Variants in KCNQ2 observed in about 807,000 individuals in gnomAD.
KCNQ2 encodes potassium voltage-gated channel subfamily KQT member 2.
Under a neutral mutation model 84.8 loss-of-function variants are expected in KCNQ2, and 14 were observed. That is an observed-to-expected ratio of 0.17 (90% CI 0.11 to 0.26). The LOEUF is 0.26. KCNQ2 is among the 10% of genes least tolerant of loss of function. The pLI is 1.00. For missense variants in KCNQ2, 788 were observed against 1,254.0 expected (o/e 0.63, Z 5.61); for synonymous variants, 599 against 554.1 (o/e 1.08, Z -1.14).
intron 1 of KCNQ2, among the ~76,000 whole-genome samples, chr20:63,457,183 G>C (rs758877633): frequency 6.6e-6 from 1 of 152,240 alleles, no homozygotes; most frequent in Non-Finnish European, 1.5e-5. Context: ...GGCTGGAGGG[G>C]ACAAGGGCCA....
chr20:63,450,030 C>T (rs2081560202), intron 1 of KCNQ2, among the ~76,000 whole-genome samples: 2 of 152,036 alleles, frequency 1.3e-5, no homozygotes, highest in South Asian at 4.2e-4. Flanking sequence ...GCCCCTGGAA[C>T]CCGCCCGCCA....
At chr20:63,410,664 G>A (rs550534022) in intron 15 of KCNQ2, among the ~76,000 whole-genome samples, 5 of 152,320 alleles carry the variant, frequency 3.3e-5, no homozygotes, top group African/African-American at 4.8e-5. Context: ...CAGAAACTCC[G>A]TTCTCACGGG....
At chr20:63,433,210 G>A (rs1195301441) in intron 8 of KCNQ2, among the ~76,000 whole-genome samples, 2 of 152,228 alleles carry the variant, frequency 1.3e-5, no homozygotes, top group Non-Finnish European at 2.9e-5. Flanking sequence ...GGACCTGCTA[G>A]CACTGCCTCG....
At chr20:63,451,439 G>A (rs567066125) in intron 1 of KCNQ2, among the ~76,000 whole-genome samples, 448 of 152,280 alleles carry the variant, frequency 2.9e-3, no homozygotes, top group Non-Finnish European at 4.5e-3. Flanking sequence ...GGCCGTGACC[G>A]CAGCATGACC....
intron 1 of KCNQ2, among the ~76,000 whole-genome samples, chr20:63,462,084 G>A (rs1235709683): frequency 2.5e-5 from 3 of 118,924 alleles, no homozygotes; most frequent in African/African-American, 1.0e-4. Context: ...CCACCCCAGG[G>A]AGCAGGGAAG....
Position 63,446,720 on chromosome 20 carries a change from CA to C in KCNQ2, c.387+26del, listed in dbSNP as rs1199045483. 4 of 1,595,408 alleles carry C rather than the reference CA, an allele frequency of 2.5e-6. No individual in the cohort carries two copies. Among genetic ancestry groups the C allele is most frequent in the Non-Finnish European group, 3.4e-6 (4 of 1,163,756 alleles). On this transcript the variant is annotated intron_variant, in intron 2 of 16. Transcript: ENST00000359125. This position sits in a 1 kb window ranked among gnomAD's most constrained non-coding sequence, Gnocchi z 5.5. ...GCTCCAGCTCCTTCCTGGGCACTTC[CA>C]GCCCCCGCCCTCCCTCGGGGCTCAC...
At chr20:63,410,216 C>CAGAT (rs907616355) in intron 15 of KCNQ2, among the ~76,000 whole-genome samples, 34 of 152,304 alleles carry the variant, frequency 2.2e-4, no homozygotes, top group African/African-American at 8.2e-4. Context: ...ACAGTCCAGG[C>CAGAT]AGATGCTCAG....
chr20:63,461,355 A>G (rs1600849542), intron 1 of KCNQ2, among the ~76,000 whole-genome samples: 1 of 152,254 alleles, frequency 6.6e-6, no homozygotes, highest in African/African-American at 2.4e-5. Flanking sequence ...TGTAAAGGAG[A>G]GAAGCCGGTC....
chr20:63,411,736 C>T, intron 15 of KCNQ2: 1 of 583,198 alleles, frequency 1.7e-6, no homozygotes, highest in Non-Finnish European at 3.1e-6. Context: ...AGGGGCCGGC[C>T]ATTCCACAGA....
At chr20:63,428,477 C>T in intron 9 of KCNQ2, 42 bp from the exon 10 acceptor site, 4 of 1,517,168 alleles carry the variant, frequency 2.6e-6, no homozygotes, top group Non-Finnish European at 3.6e-6. Flanking sequence ...TCTCACCCTC[C>T]CGAGTCCTGG....
At chr20:63,431,670 C>G (rs2080791197) in intron 8 of KCNQ2, among the ~76,000 whole-genome samples, 1 of 152,118 alleles carries the variant, frequency 6.6e-6, no homozygotes, top group South Asian at 2.1e-4. Context: ...CAGAGGGCGA[C>G]TGCAAACATC....
chr20:63,429,080 G>A (rs2080717106), intron 9 of KCNQ2, among the ~76,000 whole-genome samples: 1 of 151,692 alleles, frequency 6.6e-6, no homozygotes, highest in Non-Finnish European at 1.5e-5. Flanking sequence ...GCCACCAGCA[G>A]GACCAAGTCC....
rs576015529 is a variant in KCNQ2, at chr20:63,431,108, G to A, written c.1148+232C>T. 6.6e-5 allele frequency among the ~76,000 whole-genome samples: 10 copies of A among 152,296 alleles called. 1 individual carries two copies. In the South Asian group the frequency reaches 2.1e-3, roughly 32 times the overall value. Reference sequence around the variant, plus strand: ...AGGACGAGAAGGGTGGATGGGCCCTGGGAGGGCAGGGTTGGCACGTGGGCT... The same window carrying A: ...AGGACGAGAAGGGTGGATGGGCCCTAGGAGGGCAGGGTTGGCACGTGGGCT... On this transcript the variant is annotated intron_variant, in intron 9 of 16. Transcript: ENST00000359125.
At chr20:63,433,200 G>A (rs1424122087) in intron 8 of KCNQ2, among the ~76,000 whole-genome samples, 1 of 152,210 alleles carries the variant, frequency 6.6e-6, no homozygotes, top group African/African-American at 2.4e-5. Context: ...CAGGCTCACA[G>A]GACCTGCTAG....
chr20:63,446,693 C>G lies in KCNQ2; in HGVS notation c.387+54G>C. On this transcript the variant is annotated intron_variant, in intron 2 of 16. Coordinates refer to ENST00000359125, the MANE Select transcript of KCNQ2 (RefSeq NM_172107.4). The surrounding 1 kb of genome is among the most constrained non-coding windows in gnomAD (Gnocchi z 5.5). Reference sequence around the variant, plus strand: ...CAGGAACGGAAGACAGACGCCCAGGCAGCTCCAGCTCCTTCCTGGGCACTT... The same window carrying G: ...CAGGAACGGAAGACAGACGCCCAGGGAGCTCCAGCTCCTTCCTGGGCACTT... 7.0e-7 allele frequency: 1 copy of G among 1,427,414 alleles called. No individual in the cohort carries two copies. The highest frequency in any genetic ancestry group is 9.9e-7 in the Non-Finnish European group (1 of 1,010,982). The allele number at this position is 1,427,414 out of a possible 1,614,324, so 88.4% of individuals were successfully genotyped here.
At chr20:63,432,938 G>A (rs577496103) in intron 8 of KCNQ2, among the ~76,000 whole-genome samples, 63 of 152,314 alleles carry the variant, frequency 4.1e-4, no homozygotes, top group African/African-American at 1.5e-3. Flanking sequence ...CTAGGAGCAG[G>A]TGACGGGGGG....
In KCNQ2 at chr20:63,438,883, C is replaced by T. The variant is rs1330239198; in HGVS notation, c.928-163G>A. The stretch of plus-strand genomic sequence containing the variant: ...CAATTCATCAGGGTCAGACCACGCC[C>T]CAGGGACTCACACACCCCCCAGTTC... On this transcript the variant is annotated intron_variant, in intron 6 of 16. Coordinates refer to ENST00000359125, the MANE Select transcript of KCNQ2 (RefSeq NM_172107.4). The surrounding 1 kb of genome is among the most constrained non-coding windows in gnomAD (Gnocchi z 5.1). Among the ~76,000 whole-genome samples, 1 of 150,960 alleles carries T rather than the reference C, an allele frequency of 6.6e-6. No individual in the cohort carries two copies. Among genetic ancestry groups the T allele is most frequent in the Non-Finnish European group, 1.5e-5 (1 of 67,742 alleles).
chr20:63,442,114 G>A (rs2081177271), intron 5 of KCNQ2, among the ~76,000 whole-genome samples: 1 of 152,190 alleles, frequency 6.6e-6, no homozygotes, highest in East Asian at 1.9e-4. Flanking sequence ...CGGAGCAGGT[G>A]GAGGGTCACT....
chr20:63,468,047 G>A (rs539370970), intron 1 of KCNQ2, among the ~76,000 whole-genome samples: 1 of 152,178 alleles, frequency 6.6e-6, no homozygotes, highest in Non-Finnish European at 1.5e-5. Flanking sequence ...TAACTAAGCA[G>A]CATCATGTAC....
Sources: gnomAD v4.1 joint callset for allele counts (sites outside exome capture counted in the v4.1 genomes callset) on GRCh38, gnomAD v4.1.1 for gene constraint, Gnocchi (gnomAD v3.1) non-coding constraint, MANE v1.5 for transcripts, NCBI Gene and HGNC (gene_info 2026-07-23, HGNC 2026-07-21) for gene names.